LONP2: variants seen among roughly 807,000 people sequenced by gnomAD.
LONP2 encodes the protein lon protease homolog 2, peroxisomal.
Under a neutral mutation model 85.6 loss-of-function variants are expected in LONP2, and 60 were observed. That is an observed-to-expected ratio of 0.70 (90% CI 0.57 to 0.87). The LOEUF (loss-of-function observed/expected upper bound fraction) is 0.87, where lower values mean the gene tolerates loss of function less well. LONP2 is among the 40% of genes least tolerant of loss of function. The pLI is 0.00. For missense variants in LONP2, 860 were observed against 1,063.5 expected, an observed-to-expected ratio of 0.81 and a Z score of 2.66; for synonymous variants, 395 against 389.7, an observed-to-expected ratio of 1.01 and a Z score of -0.16.
chr16:48,277,010 T>G (rs1285336349), intron 7 of LONP2, among the ~76,000 whole-genome samples: 1 of 152,100 alleles, frequency 6.6e-6, no homozygotes, highest in Non-Finnish European at 1.5e-5. Context: ...ATTCATAGGG[T>G]ACTTTGGACA....
rs1215331268 is a variant in LONP2, at chr16:48,355,262, G to GTGAT, written c.*3462_*3465dup. 3 of 152,144 alleles carry GTGAT rather than the reference G, an allele frequency of 2.0e-5. No individual in the cohort carries two copies. Among genetic ancestry groups the GTGAT allele is most frequent in the Non-Finnish European group, 4.4e-5 (3 of 68,020 alleles). 9.4% of individuals were successfully genotyped at this position (152,144 alleles called of 1,614,324 possible). On this transcript the variant is annotated 3_prime_UTR_variant, in exon 15 of 15. Transcript: ENST00000285737. ...AACGTGATAGGTGAGGCTTTAGGAG[G>GTGAT]TGATTATGTCATGAGAGCTCCATCC...
Position 48,311,368 on chromosome 16 carries a change from T to C in LONP2, c.1795+8063T>C, listed in dbSNP as rs1449348972. On this transcript the variant is annotated intron_variant, in intron 11 of 14. Coordinates refer to ENST00000285737, the MANE Select transcript of LONP2 (RefSeq NM_031490.5). ...TTTTTAAAATTCTTTTTTCTTTTTT[T>C]TTTTTGTCTGACTGGATTAATTGAA... Among the ~76,000 whole-genome samples, 6 of 151,916 alleles carry C rather than the reference T, an allele frequency of 3.9e-5. No homozygotes were observed. In the South Asian group the frequency reaches 6.2e-4, roughly 16 times the overall value.
At chr16:48,360,397 T>C (rs918527154), downstream of LONP2, 3 of 111,156 alleles carry the variant, frequency 2.7e-5, no homozygotes, top group African/African-American at 2.1e-4. Flanking sequence ...AGTTATTTGC[T>C]GTGATTAGAG....
intron 8 of LONP2, among the ~76,000 whole-genome samples, chr16:48,292,457 T>C (rs1251099996): frequency 1.3e-5 from 2 of 152,200 alleles, no homozygotes. Context: ...TCCCTTTTGC[T>C]TAGTGATTTG....
intron 8 of LONP2, among the ~76,000 whole-genome samples, chr16:48,288,946 T>G (rs1366222414): frequency 7.2e-5 from 11 of 152,182 alleles, no homozygotes; most frequent in Non-Finnish European, 1.5e-4. Flanking sequence ...GAAATCAGTT[T>G]TAAAAGGTAA....
intron 6 of LONP2, among the ~76,000 whole-genome samples, chr16:48,266,503 CCCTT>C (rs1378995724): frequency 1.3e-5 from 2 of 151,996 alleles, no homozygotes; most frequent in African/African-American, 2.4e-5. Context: ...CTTTGATAAT[CCCTT>C]CCTTCTTCCC....
intron 6 of LONP2, among the ~76,000 whole-genome samples, chr16:48,267,993 G>A (rs1036470332): frequency 6.6e-6 from 1 of 152,168 alleles, no homozygotes; most frequent in Non-Finnish European, 1.5e-5. Flanking sequence ...AAAAAGGAAA[G>A]CAGAGAGGAA....
chr16:48,293,824 T>C (rs1346288799), intron 8 of LONP2, among the ~76,000 whole-genome samples: 1 of 152,252 alleles, frequency 6.6e-6, no homozygotes, highest in Non-Finnish European at 1.5e-5. Context: ...AGCAGAGGAC[T>C]CAGAGGAGCC....
intron 11 of LONP2, among the ~76,000 whole-genome samples, chr16:48,303,638 G>A (rs1055301921): frequency 6.6e-6 from 1 of 152,078 alleles, no homozygotes; most frequent in African/African-American, 2.4e-5. Flanking sequence ...ACAATCACAT[G>A]GTGAAGTCCC....
downstream of LONP2, chr16:48,361,299 C>G (rs573734399): frequency 1.2e-5 from 4 of 340,434 alleles, no homozygotes; most frequent in Non-Finnish European, 2.2e-5. Flanking sequence ...AAACACAAAA[C>G]TCAGAATTAT....
Position 48,277,490 on chromosome 16 carries a change from G to A in LONP2, c.1383+11G>A. ...GCAGCTCTGCTTGAGGTAAGATTTGGAAAATTCCCTGTCTGTCTTCATACT... is the reference window on the plus strand; with the variant it reads ...GCAGCTCTGCTTGAGGTAAGATTTGAAAAATTCCCTGTCTGTCTTCATACT... On this transcript the variant is annotated intron_variant, in intron 8 of 14. Coordinates refer to ENST00000285737, the MANE Select transcript of LONP2 (RefSeq NM_031490.5). 6.2e-7 allele frequency: 1 copy of A among 1,611,976 alleles called. No individual in the cohort carries two copies. The highest frequency in any genetic ancestry group is 8.5e-7 in the Non-Finnish European group (1 of 1,178,868).
At position 48,355,100 on chromosome 16, in the gene LONP2, G is replaced by C. The variant is rs1960291334; in HGVS notation, c.*3298G>C. On this transcript the variant is annotated 3_prime_UTR_variant, in exon 15 of 15. Transcript: ENST00000285737. ...TCTTGGGTATTATGAGTAATGCTAT[G>C]AACATGGGTGTACACATCTCTCTTG... 6.6e-6 allele frequency: 1 copy of C among 151,858 alleles called. No homozygotes were observed. The highest frequency in any genetic ancestry group is 1.5e-5 in the Non-Finnish European group (1 of 67,986). 9.4% of individuals were successfully genotyped at this position (151,858 alleles called of 1,614,324 possible). A position where few individuals can be genotyped will look rare whatever the true frequency, so the allele number is the denominator to read the frequency against.
At chr16:48,324,115 C>T (rs1328247684) in intron 11 of LONP2, among the ~76,000 whole-genome samples, 1 of 152,090 alleles carries the variant, frequency 6.6e-6, no homozygotes, top group Non-Finnish European at 1.5e-5. Context: ...TTTGCTTTTC[C>T]TTTTCTGCCT....
At chr16:48,258,121 G>T (rs1055637843) in intron 3 of LONP2, among the ~76,000 whole-genome samples, 1 of 152,100 alleles carries the variant, frequency 6.6e-6, no homozygotes, top group Non-Finnish European at 1.5e-5. Flanking sequence ...GCCGAGGTGG[G>T]AAGATCACGA....
rs149891104 is a variant in LONP2, at chr16:48,328,224, A to G, written c.1796-5992A>G. 4.3e-3 allele frequency among the ~76,000 whole-genome samples: 650 copies of G among 152,290 alleles called. 3 individuals are homozygous for G. The highest frequency in any genetic ancestry group is 0.015 in the African/African-American group (616 of 41,564). On this transcript the variant is annotated intron_variant, in intron 11 of 14. Transcript: ENST00000285737. The stretch of plus-strand genomic sequence containing the variant: ...CAGGAGTTCAAGACCAACCTGGCCA[A>G]CATAGTGAAACCCCGTCTCTACTAA...
rs1331170179 is a variant in LONP2, at chr16:48,258,100, C to A, written c.601-518C>A. On this transcript the variant is annotated intron_variant, in intron 3 of 14. Coordinates refer to ENST00000285737, the MANE Select transcript of LONP2 (RefSeq NM_031490.5). ...CAGTGGCCCACGCCTGTAATCCCAA[C>A]ACTTTGGGAGGCCGAGGTGGGAAGA... is the stretch of plus-strand genomic sequence containing the variant. Among the ~76,000 whole-genome samples, 3 of 152,256 alleles carry A rather than the reference C, an allele frequency of 2.0e-5. No individual in the cohort carries two copies. The East Asian group carries it at 5.8e-4, about 29-fold the overall frequency.
At position 48,280,287 on chromosome 16, in the gene LONP2, T is replaced by C. The variant is rs376020914; in HGVS notation, c.1383+2808T>C. Among the ~76,000 whole-genome samples, 13 of 152,338 alleles carry C rather than the reference T, an allele frequency of 8.5e-5. No individual in the cohort carries two copies. In the East Asian group the frequency reaches 2.3e-3, roughly 27 times the overall value. On this transcript the variant is annotated intron_variant, in intron 8 of 14. Coordinates refer to ENST00000285737, the MANE Select transcript of LONP2 (RefSeq NM_031490.5). ...TTCTCCCATTAGACACTTACAGTTA[T>C]CCTGTTGAAAATAATTTTAGAGTAT... is the stretch of plus-strand genomic sequence containing the variant.
intron 11 of LONP2, among the ~76,000 whole-genome samples, chr16:48,328,170 TGA>T (rs1959308122): frequency 6.6e-6 from 1 of 152,176 alleles, no homozygotes. Context: ...CCCAACACTT[TGA>T]GAGGCCAAGG....
chr16:48,267,322 T>C (rs75304034), intron 6 of LONP2, among the ~76,000 whole-genome samples: 2,083 of 152,260 alleles, frequency 0.014, 47 homozygotes, highest in African/African-American at 0.047. Context: ...ATTTTTGAGA[T>C]GGAGTCTCGC....
Sources: allele counts gnomAD v4.1 joint callset (sites outside exome capture counted in the v4.1 genomes callset), GRCh38; gene constraint gnomAD v4.1.1; transcripts MANE v1.5; gene names NCBI Gene and HGNC (gene_info 2026-07-23, HGNC 2026-07-21).